Variants in CRTC3 observed in about 807,000 individuals in gnomAD.
The protein encoded by CRTC3 is CREB-regulated transcription coactivator 3.
Under a neutral mutation model 74.5 loss-of-function variants are expected in CRTC3, and 26 were observed. The ratio of observed to expected loss-of-function variants is 0.35; its 90% CI spans 0.26 to 0.48. The LOEUF (loss-of-function observed/expected upper bound fraction) is 0.48. Among genes scored for constraint, CRTC3 ranks in the 20% least tolerant of loss-of-function variants. CRTC3 has a pLI of 0.99. For missense variants in CRTC3, 760 were observed against 787.3 expected (o/e 0.97, Z 0.41); for synonymous variants, 377 against 325.8 (o/e 1.16, Z -1.69).
chr15:90,584,421 G>A (rs143265902), intron 2 of CRTC3, among the ~76,000 whole-genome samples: 64 of 152,140 alleles, frequency 4.2e-4, no homozygotes, highest in African/African-American at 1.4e-3. Flanking sequence ...ATTTTTAGTA[G>A]ACATGGGGTT....
chr15:90,592,557 C>A (rs1043453841), intron 2 of CRTC3, among the ~76,000 whole-genome samples: 2 of 152,106 alleles, frequency 1.3e-5, no homozygotes. Context: ...AAGAACGTAC[C>A]CCAAGCATCT....
intron 2 of CRTC3, among the ~76,000 whole-genome samples, chr15:90,580,707 C>T (rs913960423): frequency 6.6e-5 from 10 of 151,976 alleles, no homozygotes; most frequent in Admixed American, 5.9e-4. Flanking sequence ...TGATTATAGG[C>T]GTGAGCCACT....
rs750959713 is a variant in CRTC3, at chr15:90,587,381, T to A, written c.232-6255T>A. Among the ~76,000 whole-genome samples the A allele has an allele frequency of 2.6e-4, 39 of 152,302 alleles. No homozygotes were observed. The Middle Eastern group carries it at 0.01, about 40-fold the overall frequency. ...ACGTCCTGTTTCATTACAGAAAGAG[T>A]TCTGCCGTTAGCATTAGCCATGTCA... On this transcript the variant is annotated intron_variant, in intron 2 of 14. Transcript: ENST00000268184.
intron 2 of CRTC3, among the ~76,000 whole-genome samples, chr15:90,562,431 C>G (rs1249825978): frequency 6.6e-6 from 1 of 152,128 alleles, no homozygotes; most frequent in Non-Finnish European, 1.5e-5. Flanking sequence ...TTATCTTTCT[C>G]GGGCCTTTGC....
At chr15:90,605,581 T>G (rs931847651) in intron 5 of CRTC3, among the ~76,000 whole-genome samples, 1 of 138,408 alleles carries the variant, frequency 7.2e-6, no homozygotes, top group African/African-American at 2.7e-5. Context: ...TGCATTCGTT[T>G]GATATTCTCT....
At position 90,643,699 on chromosome 15, in the gene CRTC3, G is replaced by A. The variant is rs1418661057; in HGVS notation, c.*1559G>A. 1 of 228,902 alleles carries A rather than the reference G, an allele frequency of 4.4e-6. No individual in the cohort carries two copies. Among genetic ancestry groups the A allele is most frequent in the African/African-American group, 2.3e-5 (1 of 44,216 alleles). The allele number at this position is 228,902 out of a possible 1,614,324, so 14.2% of individuals were successfully genotyped here. On this transcript the variant is annotated 3_prime_UTR_variant, in exon 15 of 15. Coordinates refer to ENST00000268184, the MANE Select transcript of CRTC3 (RefSeq NM_022769.5). The stretch of plus-strand genomic sequence containing the variant: ...CCTCTAACTTGGGTGATGCCAGTAG[G>A]TTTGAAGGGGGCAGAGCACTGCAGG...
At chr15:90,575,147 C>T (rs8033053) in intron 2 of CRTC3, among the ~76,000 whole-genome samples, 12,055 of 152,094 alleles carry the variant, frequency 0.079, 560 homozygotes, top group Middle Eastern at 0.15. Flanking sequence ...GTCAGCAGTT[C>T]GAGACCAGCC....
intron 2 of CRTC3, among the ~76,000 whole-genome samples, chr15:90,588,409 G>A (rs764098807): frequency 4.0e-5 from 6 of 150,502 alleles, no homozygotes; most frequent in Admixed American, 6.6e-5. Flanking sequence ...TTACTTGTCC[G>A]TGGTGCTGGA....
intron 1 of CRTC3, among the ~76,000 whole-genome samples, chr15:90,537,855 C>T (rs554709042): frequency 1.6e-4 from 24 of 152,332 alleles, no homozygotes; most frequent in Non-Finnish European, 2.9e-5. Flanking sequence ...TTAGTAGAGA[C>T]GGGGTTTCAC....
intron 3 of CRTC3, among the ~76,000 whole-genome samples, chr15:90,601,372 G>A (rs746468414): frequency 2.0e-4 from 31 of 152,060 alleles, no homozygotes; most frequent in Admixed American, 1.1e-3. Context: ...AGGAACCGCC[G>A]GGCGCAGTGG....
chr15:90,639,935 G>A (rs1017670083), intron 13 of CRTC3, among the ~76,000 whole-genome samples: 1 of 151,996 alleles, frequency 6.6e-6, no homozygotes, highest in Non-Finnish European at 1.5e-5. Flanking sequence ...TGTAGTCCCA[G>A]CTACTCGGGA....
At chr15:90,639,544 G>A (rs148320018) in intron 13 of CRTC3, among the ~76,000 whole-genome samples, 2,955 of 150,198 alleles carry the variant, frequency 0.02, 117 homozygotes, top group African/African-American at 0.069. Flanking sequence ...CCACCTCCTG[G>A]GTTCAAGTGA....
chr15:90,578,757 G>T (rs1967467929), intron 2 of CRTC3, among the ~76,000 whole-genome samples: 1 of 152,162 alleles, frequency 6.6e-6, no homozygotes, highest in Non-Finnish European at 1.5e-5. Flanking sequence ...GAGAATTGAG[G>T]ATGCCTTGTC....
chr15:90,640,969 G>A lies in CRTC3; in HGVS notation c.1549-128G>A, dbSNP rs1969417866. The A allele has an allele frequency of 6.0e-6, 4 of 671,692 alleles. No homozygotes were observed. In the South Asian group the frequency reaches 6.7e-5, roughly 11 times the overall value. The allele number at this position is 671,692 out of a possible 1,614,324, so 41.6% of individuals were successfully genotyped here. ...TTACCATAAGAGCAAAGCACTCTGG[G>A]ATCCTGGAAAGAAGGGAATATGGAT... On this transcript the variant is annotated intron_variant, in intron 13 of 14. Transcript: ENST00000268184.
intron 2 of CRTC3, among the ~76,000 whole-genome samples, chr15:90,589,842 C>T (rs1967758072): frequency 6.7e-6 from 1 of 150,042 alleles, no homozygotes; most frequent in Non-Finnish European, 1.5e-5. Context: ...CAAAAATTGG[C>T]CGGGTGTCGT....
In CRTC3 at chr15:90,561,395, T is replaced by C. The variant is rs374702910; in HGVS notation, c.231+21258T>C. Among the ~76,000 whole-genome samples, 4 of 152,330 alleles carry C rather than the reference T, an allele frequency of 2.6e-5. No individual in the cohort carries two copies. In the East Asian group the frequency reaches 7.7e-4, roughly 29 times the overall value. ...ATACAGGCTAGTTGCATCCTACTAA[T>C]TCTTCACAGACTAGATAAAAATACT... On this transcript the variant is annotated intron_variant, in intron 2 of 14. Coordinates refer to ENST00000268184, the MANE Select transcript of CRTC3 (RefSeq NM_022769.5).
chr15:90,622,396 C>T (rs1968681820), intron 9 of CRTC3, among the ~76,000 whole-genome samples: 1 of 152,182 alleles, frequency 6.6e-6, no homozygotes, highest in South Asian at 2.1e-4. Context: ...CCTGCCGCGC[C>T]CCTGCTCTCT....
At chr15:90,552,043 A>C (rs1306136251) in intron 2 of CRTC3, among the ~76,000 whole-genome samples, 2 of 152,112 alleles carry the variant, frequency 1.3e-5, no homozygotes, top group African/African-American at 4.8e-5. Flanking sequence ...CCCTACTCCA[A>C]GAGTGGTGTT....
At chr15:90,577,783 A>G (rs1837585151) in intron 2 of CRTC3, among the ~76,000 whole-genome samples, 1 of 152,226 alleles carries the variant, frequency 6.6e-6, no homozygotes, top group African/African-American at 2.4e-5. Flanking sequence ...AAAGACAAAT[A>G]TCGCATGTTC....
Sources: allele counts gnomAD v4.1 joint callset (sites outside exome capture counted in the v4.1 genomes callset), GRCh38; gene constraint gnomAD v4.1.1; transcripts MANE v1.5; gene names NCBI Gene and HGNC (gene_info 2026-07-23, HGNC 2026-07-21).